Variants in GRM1 observed in about 807,000 individuals in gnomAD.
The protein encoded by GRM1 is glutamate metabotropic receptor 1.
Under a neutral mutation model 90.9 loss-of-function variants are expected in GRM1, and 33 were observed. The ratio of observed to expected loss-of-function variants is 0.36; its 90% CI spans 0.28 to 0.49. GRM1 has a LOEUF of 0.49. GRM1 is among the 20% of genes least tolerant of loss of function. GRM1 has a pLI of 0.99. For synonymous variants in GRM1, 700 were observed against 613.2 expected (o/e 1.14, Z -2.09); for missense variants, 1,190 against 1,534.3 (o/e 0.78, Z 3.75).
At chr6:146,269,151 C>A (rs1782022310) in intron 2 of GRM1, among the ~76,000 whole-genome samples, 1 of 152,092 alleles carries the variant, frequency 6.6e-6, no homozygotes, top group African/African-American at 2.4e-5. Flanking sequence ...TGAAGCAAAC[C>A]AGGTGACATG....
chr6:146,333,705 C>T (rs191633118), intron 3 of GRM1, among the ~76,000 whole-genome samples: 10 of 152,192 alleles, frequency 6.6e-5, no homozygotes, highest in Admixed American at 1.3e-4. Context: ...ATGGCCTTTA[C>T]TATAAAGACC....
intron 1 of GRM1, among the ~76,000 whole-genome samples, chr6:146,111,084 C>T (rs1207414597): frequency 1.3e-5 from 2 of 152,196 alleles, no homozygotes; most frequent in African/African-American, 2.4e-5. Context: ...GTGCTGTGGT[C>T]TTTGTGATTT....
In GRM1 at chr6:146,074,875, C is replaced by T. The variant is rs563239867; in HGVS notation, c.700+44658C>T. ...GACAAGTTAGAGAAGTCCAAAATAC[C>T]TGTGCAAATTACATATAATCAAGGG... is the stretch of plus-strand genomic sequence containing the variant. On this transcript the variant is annotated intron_variant, in intron 1 of 7. Coordinates refer to ENST00000282753, the MANE Select transcript of GRM1 (RefSeq NM_001278064.2). 8.5e-5 allele frequency among the ~76,000 whole-genome samples: 13 copies of T among 152,260 alleles called. 1 individual carries two copies. The South Asian group carries it at 2.1e-3, about 24-fold the overall frequency.
rs535881775 is a variant in GRM1, at chr6:146,118,475, A to G, written c.701-40873A>G. ...TATTATACTTTAAGTTCTAGAGTACATGTGCACAACGTGCAGGGTTGTTAC... is the reference window on the plus strand; with the variant it reads ...TATTATACTTTAAGTTCTAGAGTACGTGTGCACAACGTGCAGGGTTGTTAC... On this transcript the variant is annotated intron_variant, in intron 1 of 7. Transcript: ENST00000282753. Among the ~76,000 whole-genome samples, 508 of 152,240 alleles carry G rather than the reference A, an allele frequency of 3.3e-3. 3 individuals carry two copies. The highest frequency in any genetic ancestry group is 0.012 in the African/African-American group (490 of 41,542).
intron 2 of GRM1, among the ~76,000 whole-genome samples, chr6:146,166,233 A>G (rs764738750): frequency 6.6e-6 from 1 of 152,104 alleles, no homozygotes; most frequent in Admixed American, 6.6e-5. Flanking sequence ...TAGACCATCA[A>G]TACAATTTCT....
At chr6:146,334,349 T>C (rs1053196831) in intron 3 of GRM1, among the ~76,000 whole-genome samples, 7 of 152,216 alleles carry the variant, frequency 4.6e-5, no homozygotes, top group Middle Eastern at 6.3e-3. Flanking sequence ...AGAAAAACTA[T>C]ATGACATCAG....
intron 7 of GRM1, among the ~76,000 whole-genome samples, chr6:146,413,500 G>T (rs11155470): frequency 0.27 from 40,738 of 151,890 alleles, 6,587 homozygotes; most frequent in Non-Finnish European, 0.36. Context: ...AGAATTCCTA[G>T]TATCTATATA....
At chr6:146,431,728 C>T (rs890818712) in intron 7 of GRM1, among the ~76,000 whole-genome samples, 10 of 151,972 alleles carry the variant, frequency 6.6e-5, no homozygotes, top group African/African-American at 2.4e-4. Flanking sequence ...GGGAAGGAAA[C>T]ATTTTTTTCA....
At chr6:146,066,687 C>A (rs1314414960) in intron 1 of GRM1, among the ~76,000 whole-genome samples, 1 of 152,032 alleles carries the variant, frequency 6.6e-6, no homozygotes, top group Non-Finnish European at 1.5e-5. Context: ...TAAATGTGCT[C>A]CCTTTTGGAG....
At chr6:146,203,770 C>T (rs1057136963) in intron 2 of GRM1, among the ~76,000 whole-genome samples, 1 of 152,172 alleles carries the variant, frequency 6.6e-6, no homozygotes, top group Non-Finnish European at 1.5e-5. Context: ...AACTTGAACT[C>T]GTATCCTACA....
chr6:146,116,012 G>A (rs901629921), intron 1 of GRM1, among the ~76,000 whole-genome samples: 3 of 152,060 alleles, frequency 2.0e-5, no homozygotes, highest in Admixed American at 1.3e-4. Flanking sequence ...GTGCAATGGC[G>A]CAATCTTGGC....
At chr6:146,414,760 G>A (rs1777712510) in intron 7 of GRM1, among the ~76,000 whole-genome samples, 1 of 152,138 alleles carries the variant, frequency 6.6e-6, no homozygotes, top group South Asian at 2.1e-4. Flanking sequence ...TTTATTTATT[G>A]CAAATATTTT....
intron 1 of GRM1, among the ~76,000 whole-genome samples, chr6:146,108,447 C>T (rs1048423162): frequency 2.0e-4 from 31 of 152,172 alleles, no homozygotes; most frequent in Admixed American, 2.0e-3. Context: ...TCCACAAGCT[C>T]TCTTTTCTTG....
intron 3 of GRM1, among the ~76,000 whole-genome samples, chr6:146,316,822 C>T (rs1386157024): frequency 6.6e-6 from 1 of 152,078 alleles, no homozygotes; most frequent in Non-Finnish European, 1.5e-5. Context: ...CGGCTGTCTG[C>T]CTCTACTACC....
At chr6:146,277,989 A>G (rs895523431) in intron 2 of GRM1, among the ~76,000 whole-genome samples, 3 of 152,164 alleles carry the variant, frequency 2.0e-5, no homozygotes, top group African/African-American at 4.8e-5. Flanking sequence ...CTGAAAACAT[A>G]CTATCTTTAG....
chr6:146,196,309 A>G (rs1388014271), intron 2 of GRM1, among the ~76,000 whole-genome samples: 1 of 106,264 alleles, frequency 9.4e-6, no homozygotes. Context: ...TTTTTTTTTG[A>G]CGGAGTCGCT....
intron 1 of GRM1, among the ~76,000 whole-genome samples, chr6:146,101,876 TTAA>T (rs1362190091): frequency 6.7e-6 from 1 of 149,964 alleles, no homozygotes; most frequent in East Asian, 1.9e-4. Flanking sequence ...CATAATTATG[TTAA>T]TAATAATATG....
At chr6:146,375,923 G>GT (rs1316380173) in intron 5 of GRM1, among the ~76,000 whole-genome samples, 4 of 151,926 alleles carry the variant, frequency 2.6e-5, no homozygotes, top group African/African-American at 9.7e-5. Context: ...TTTTCTGGTA[G>GT]TTTTATGGTC....
At chr6:146,155,033 T>C (rs1401225760) in intron 1 of GRM1, among the ~76,000 whole-genome samples, 6 of 152,230 alleles carry the variant, frequency 3.9e-5, no homozygotes, top group South Asian at 2.1e-4. Context: ...CATTTTTCCA[T>C]TGGGCTGATA....
Sources: allele counts gnomAD v4.1 joint callset (sites outside exome capture counted in the v4.1 genomes callset), GRCh38; gene constraint gnomAD v4.1.1; transcripts MANE v1.5; gene names NCBI Gene and HGNC (gene_info 2026-07-23, HGNC 2026-07-21).